SNTG2: variants seen among roughly 807,000 people sequenced by gnomAD.
The protein encoded by SNTG2 is gamma-2-syntrophin.
Under a neutral mutation model 70.9 loss-of-function variants are expected in SNTG2, and 74 were observed. That is an observed-to-expected ratio of 1.04 (90% CI 0.86 to 1.27). The LOEUF (loss-of-function observed/expected upper bound fraction) is 1.27. SNTG2 is among the 50% of genes most tolerant of loss of function. The pLI is 0.00. For synonymous variants in SNTG2, 278 were observed against 273.8 expected, an observed-to-expected ratio of 1.02 and a Z score of -0.15; for missense variants, 717 against 690.7, an observed-to-expected ratio of 1.04 and a Z score of -0.43.
intron 1 of SNTG2, among the ~76,000 whole-genome samples, chr2:972,823 G>A (rs2147957859): frequency 6.6e-6 from 1 of 152,198 alleles, no homozygotes; most frequent in East Asian, 1.9e-4. Context: ...AGCTCCCTGA[G>A]GCCTCCCCAG....
At chr2:983,201 G>A (rs1661175966) in intron 1 of SNTG2, among the ~76,000 whole-genome samples, 1 of 151,800 alleles carries the variant, frequency 6.6e-6, no homozygotes, top group Non-Finnish European at 1.5e-5. Flanking sequence ...CTGCAGAGGT[G>A]GTGGTCAGGA....
At chr2:1,003,065 C>A (rs956620118) in intron 1 of SNTG2, among the ~76,000 whole-genome samples, 1 of 151,942 alleles carries the variant, frequency 6.6e-6, no homozygotes, top group Non-Finnish European at 1.5e-5. Flanking sequence ...GTACACACAA[C>A]CATAGTAGAA....
At chr2:1,002,884 TTATATA>T (rs756474389) in intron 1 of SNTG2, among the ~76,000 whole-genome samples, 2 of 148,946 alleles carry the variant, frequency 1.3e-5, no homozygotes, top group Admixed American at 6.7e-5. Context: ...AAAGAAAATG[TTATATA>T]TATATATATA....
chr2:1,134,676 C>T lies in SNTG2; in HGVS notation c.326-2946C>T, dbSNP rs541107276. Among the ~76,000 whole-genome samples the T allele has an allele frequency of 9.3e-4, 141 of 152,332 alleles. 1 individual carries two copies. Among genetic ancestry groups the T allele is most frequent in the Middle Eastern group, 3.4e-3 (1 of 294 alleles). On this transcript the variant is annotated intron_variant, in intron 4 of 16. Transcript: ENST00000308624. The stretch of plus-strand genomic sequence containing the variant: ...TAGCTGGCTTCACCCAGTGGATCCC[C>T]CACCGGGGCTGCAGGTGGAGCCGCC...
At chr2:1,076,969 G>A (rs777199219) in intron 1 of SNTG2, among the ~76,000 whole-genome samples, 24 of 152,010 alleles carry the variant, frequency 1.6e-4, no homozygotes, top group Middle Eastern at 3.2e-3. Context: ...ATGTATGTAC[G>A]TACGTAATTC....
chr2:1,248,094 T>C (rs1428994695), intron 12 of SNTG2, among the ~76,000 whole-genome samples: 5 of 152,230 alleles, frequency 3.3e-5, no homozygotes, highest in African/African-American at 1.2e-4. Context: ...ACGTTTTGGA[T>C]GCATGTCACG....
At position 1,300,498 on chromosome 2, in the gene SNTG2, C is replaced by G. The variant is rs550558208; in HGVS notation, c.1285-7996C>G. 5.9e-5 allele frequency among the ~76,000 whole-genome samples: 9 copies of G among 152,278 alleles called. No homozygotes were observed. In the East Asian group the frequency reaches 1.7e-3, roughly 29 times the overall value. ...GGACACAAGCTGCGGCCCCAGGGTG[C>G]ACATTGATCAGAACCTCACCTGGGC... On this transcript the variant is annotated intron_variant, in intron 14 of 16. Transcript: ENST00000308624.
intron 11 of SNTG2, among the ~76,000 whole-genome samples, chr2:1,240,575 T>C (rs949999417): frequency 3.3e-5 from 5 of 152,226 alleles, no homozygotes; most frequent in Non-Finnish European, 7.3e-5. Context: ...TTAAGAAAAC[T>C]GAGAAAAACA....
intron 1 of SNTG2, among the ~76,000 whole-genome samples, chr2:958,136 G>A (rs1023201062): frequency 6.6e-6 from 1 of 152,146 alleles, no homozygotes; most frequent in African/African-American, 2.4e-5. Context: ...GAGACGGCAG[G>A]TGAGGTGTGG....
intron 1 of SNTG2, among the ~76,000 whole-genome samples, chr2:959,214 A>G (rs1457720415): frequency 1.3e-5 from 2 of 152,236 alleles, no homozygotes; most frequent in Non-Finnish European, 2.9e-5. Flanking sequence ...TCCTATCAGA[A>G]CAAGATACAA....
chr2:990,098 T>G (rs1661441424), intron 1 of SNTG2, among the ~76,000 whole-genome samples: 1 of 152,258 alleles, frequency 6.6e-6, no homozygotes, highest in Admixed American at 6.5e-5. Context: ...TGACCTTTCT[T>G]TTAAAAATCC....
Position 1,307,888 on chromosome 2 carries a change from G to A in SNTG2, c.1285-606G>A, listed in dbSNP as rs571287290. 4.6e-5 allele frequency among the ~76,000 whole-genome samples: 7 copies of A among 152,302 alleles called. No homozygotes were observed. In the East Asian group the frequency reaches 9.7e-4, roughly 21 times the overall value. Reference sequence around the variant, plus strand: ...CCTCAGAAGCGGCACGTGCTGGTCCGGGCCGCCCTCCGCACAAACCACCGG... The same window carrying A: ...CCTCAGAAGCGGCACGTGCTGGTCCAGGCCGCCCTCCGCACAAACCACCGG... On this transcript the variant is annotated intron_variant, in intron 14 of 16. Coordinates refer to ENST00000308624, the MANE Select transcript of SNTG2 (RefSeq NM_018968.4).
intron 1 of SNTG2, among the ~76,000 whole-genome samples, chr2:990,876 T>A (rs1227206935): frequency 4.6e-5 from 7 of 151,950 alleles, no homozygotes; most frequent in Non-Finnish European, 1.0e-4. Flanking sequence ...AAAAAAAGAA[T>A]GAGAAAATTC....
At chr2:1,236,690 TC>T (rs796416910) in intron 9 of SNTG2, among the ~76,000 whole-genome samples, 22 of 152,360 alleles carry the variant, frequency 1.4e-4, no homozygotes, top group African/African-American at 5.3e-4. Context: ...CAAACTCTGG[TC>T]TGATAGATTT....
chr2:1,249,828 G>A (rs537146794), intron 12 of SNTG2, among the ~76,000 whole-genome samples: 3 of 152,288 alleles, frequency 2.0e-5, no homozygotes, highest in Non-Finnish European at 2.9e-5. Context: ...ATGCAGTTTT[G>A]TTTTGTTAAA....
intron 9 of SNTG2, among the ~76,000 whole-genome samples, chr2:1,210,152 G>C (rs1180939728): frequency 6.6e-6 from 1 of 152,186 alleles, no homozygotes; most frequent in African/African-American, 2.4e-5. Context: ...TAGCTGTACA[G>C]CCTCTCACAA....
At chr2:1,085,111 G>A (rs945520953) in intron 2 of SNTG2, among the ~76,000 whole-genome samples, 1 of 152,110 alleles carries the variant, frequency 6.6e-6, no homozygotes, top group Non-Finnish European at 1.5e-5. Context: ...TCGCATGTCT[G>A]CTTTTATGTC....
chr2:1,112,750 T>G (rs950802456), intron 4 of SNTG2, among the ~76,000 whole-genome samples: 10 of 148,218 alleles, frequency 6.7e-5, no homozygotes, highest in African/African-American at 1.6e-4. Context: ...CTAAGTGAGG[T>G]TTAACCCTTA....
intron 8 of SNTG2, among the ~76,000 whole-genome samples, chr2:1,190,744 A>G (rs914760192): frequency 6.6e-6 from 1 of 151,926 alleles, no homozygotes; most frequent in Non-Finnish European, 1.5e-5. Context: ...AGATTTTCAA[A>G]CTCATCAATT....
Sources: allele counts gnomAD v4.1 joint callset (sites outside exome capture counted in the v4.1 genomes callset), GRCh38; gene constraint gnomAD v4.1.1; transcripts MANE v1.5; gene names NCBI Gene and HGNC (gene_info 2026-07-23, HGNC 2026-07-21).